TTC9C: variants seen among roughly 807,000 people sequenced by gnomAD.
TTC9C encodes tetratricopeptide repeat protein 9C.
In TTC9C, 15 loss-of-function variants were observed where a neutral mutation model predicts 22.5. The observed-to-expected ratio is 0.67, with a 90% CI of 0.45 to 1.03. The LOEUF (loss-of-function observed/expected upper bound fraction) is 1.03, where lower values mean the gene tolerates loss of function less well. Ranked by LOEUF, TTC9C falls within the 50% of genes least tolerant of loss-of-function variation. The pLI is 0.00. For missense variants in TTC9C, 244 were observed against 214.6 expected (o/e 1.14, Z -0.86); for synonymous variants, 92 against 86.8 (o/e 1.06, Z -0.33).
At chr11:62,734,106 C>G (rs1016589056) in intron 1 of TTC9C, among the ~76,000 whole-genome samples, 10 of 151,776 alleles carry the variant, frequency 6.6e-5, no homozygotes, top group Admixed American at 6.6e-4. Context: ...CAAGACAAGC[C>G]TGGCCAACAT....
chr11:62,738,197 G>A (rs2083932985), intron 2 of TTC9C, 91 bp from the exon 3 acceptor site: 1 of 707,072 alleles, frequency 1.4e-6, no homozygotes, highest in Non-Finnish European at 2.4e-6. Flanking sequence ...TTTAAAATGG[G>A]AGCATGTTAA....
intron 1 of TTC9C, among the ~76,000 whole-genome samples, chr11:62,731,522 G>T (rs1019302510): frequency 2.0e-5 from 3 of 152,102 alleles, no homozygotes; most frequent in African/African-American, 7.2e-5. Flanking sequence ...TCTTGAGCAT[G>T]GGAGGCCGGG....
At chr11:62,733,229 C>G (rs758050613) in intron 1 of TTC9C, 4 of 1,191,552 alleles carry the variant, frequency 3.4e-6, no homozygotes, top group Non-Finnish European at 3.3e-6. Flanking sequence ...ATTAAGTCAT[C>G]CAAGAGAATA....
chr11:62,738,409 G>A lies in TTC9C; in HGVS notation c.*27G>A. ...AAAGAAGAAAGATGCTCCTCCAGTTGAACTTAGGTGGACCATTAAACATGC... is the reference window on the plus strand; with the variant it reads ...AAAGAAGAAAGATGCTCCTCCAGTTAAACTTAGGTGGACCATTAAACATGC... On this transcript the variant is annotated 3_prime_UTR_variant, in exon 3 of 3. Transcript: ENST00000316461. 6.8e-7 allele frequency: 1 copy of A among 1,464,038 alleles called. No homozygotes were observed. Among genetic ancestry groups the A allele is most frequent in the Non-Finnish European group, 9.5e-7 (1 of 1,049,960 alleles). The allele number at this position is 1,464,038 out of a possible 1,614,324, so 90.7% of individuals were successfully genotyped here. A position where few individuals can be genotyped will look rare whatever the true frequency, so the allele number is the denominator to read the frequency against.
intron 1 of TTC9C, among the ~76,000 whole-genome samples, chr11:62,732,593 CAA>C (rs1419581453): frequency 7.2e-6 from 1 of 139,300 alleles, no homozygotes; most frequent in Non-Finnish European, 1.5e-5. Flanking sequence ...GCCTGGGCAA[CAA>C]GAGCAAAACT....
chr11:62,735,060 C>G (rs973076787), intron 1 of TTC9C, among the ~76,000 whole-genome samples: 1 of 152,126 alleles, frequency 6.6e-6, no homozygotes, highest in African/African-American at 2.4e-5. Context: ...CCACACCTGG[C>G]TAATTTTTAT....
chr11:62,737,925 G>A (rs1398358542), intron 2 of TTC9C, among the ~76,000 whole-genome samples: 1 of 152,102 alleles, frequency 6.6e-6, no homozygotes, highest in East Asian at 1.9e-4. Context: ...CAGCTACTTG[G>A]GAGGCTGAGG....
In TTC9C at chr11:62,728,487, G is replaced by T. The variant is rs1458587222; in HGVS notation, c.-362G>T. 4.2e-6 allele frequency: 2 copies of T among 477,134 alleles called. No homozygotes were observed. The highest frequency in any genetic ancestry group is 2.0e-5 in the African/African-American group (1 of 51,038). 29.6% of individuals were successfully genotyped at this position (477,134 alleles called of 1,614,324 possible). ...GGGTCCAATAGAAAGGCGGAAGCCAGTGTCCCAGGCGTTCTCACGCCCGCA... is the reference window on the plus strand; with the variant it reads ...GGGTCCAATAGAAAGGCGGAAGCCATTGTCCCAGGCGTTCTCACGCCCGCA... On this transcript the variant is annotated 5_prime_UTR_variant, in exon 1 of 3. Transcript: ENST00000316461.
Position 62,728,531 on chromosome 11 carries a change from C to T in TTC9C, c.-318C>T, listed in dbSNP as rs773744681. ...GCCCGCAACAATTCCTGAGTAGGGC[C>T]TTGCTTGAGTTCTTCGGAAAGTCTC... is the stretch of plus-strand genomic sequence containing the variant. On this transcript the variant is annotated 5_prime_UTR_variant, in exon 1 of 3. Transcript: ENST00000316461. 1.6e-5 allele frequency: 8 copies of T among 504,614 alleles called. No individual in the cohort carries two copies. The highest frequency in any genetic ancestry group is 9.2e-5 in the South Asian group (6 of 64,954). The allele number at this position is 504,614 out of a possible 1,614,324, so 31.3% of individuals were successfully genotyped here.
chr11:62,732,848 G>A (rs1172904740), intron 1 of TTC9C, among the ~76,000 whole-genome samples: 1 of 151,728 alleles, frequency 6.6e-6, no homozygotes, highest in Non-Finnish European at 1.5e-5. Context: ...CTTGAACCTG[G>A]GATGTGGAGG....
chr11:62,735,197 A>C (rs1271410890), intron 1 of TTC9C, among the ~76,000 whole-genome samples, 185 bp from the exon 2 acceptor site: 3 of 152,134 alleles, frequency 2.0e-5, no homozygotes, highest in Non-Finnish European at 4.4e-5. Context: ...CCTGGCCGAT[A>C]TGTGAAGCTT....
At chr11:62,736,521 C>T (rs1337435695) in intron 2 of TTC9C, among the ~76,000 whole-genome samples, 7 of 151,634 alleles carry the variant, frequency 4.6e-5, no homozygotes, top group African/African-American at 1.7e-4. Flanking sequence ...GGGGAAACTC[C>T]GTCTCTATTA....
Position 62,738,324 on chromosome 11 carries a change from C to A in TTC9C, c.458C>A (p.Ser153Ter). The A allele has an allele frequency of 6.2e-7, 1 of 1,613,052 alleles. No individual in the cohort carries two copies. The highest frequency in any genetic ancestry group is 1.1e-5 in the South Asian group (1 of 90,886). Residue 153 changes from serine to a stop codon, truncating the protein, a stop_gained, in exon 3 of 3, where the codon TCA becomes TAA. Coordinates refer to ENST00000316461, the MANE Select transcript of TTC9C (RefSeq NM_173810.4). LOFTEE classifies it high-confidence loss of function. ...NVRRYLQLTQ[S>*]ELSSYHRKEK... ...CGGCGGTACCTCCAGCTGACACAGT[C>A]AGAACTCAGCAGCTACCATAGAAAA...
upstream of TTC9C, chr11:62,728,076 G>C (rs1047596551): frequency 1.3e-5 from 2 of 152,380 alleles, no homozygotes; most frequent in East Asian, 1.9e-4. Context: ...TGAGGAGGCG[G>C]GGTCGTTTCT....
chr11:62,729,391 TA>T (rs2083817584), intron 1 of TTC9C, among the ~76,000 whole-genome samples: 1 of 137,686 alleles, frequency 7.3e-6, no homozygotes, highest in Non-Finnish European at 1.6e-5. Flanking sequence ...TATTTTATTT[TA>T]TTTTATTTTA....
At chr11:62,735,833 T>C (rs1056785750) in intron 2 of TTC9C, 17 of 281,336 alleles carry the variant, frequency 6.0e-5, no homozygotes, top group African/African-American at 3.3e-4. Context: ...TTGGTATGTC[T>C]GTTTCATATA....
In TTC9C at chr11:62,734,081, C is replaced by G. The variant is rs766821510; in HGVS notation, c.239-1301C>G. 2.0e-5 allele frequency among the ~76,000 whole-genome samples: 3 copies of G among 151,582 alleles called. 1 individual carries two copies. The East Asian group carries it at 5.8e-4, about 30-fold the overall frequency. ...TGGGAGGCTGAGGCCAGCGAATCAC[C>G]TGAGGTCAGGAGTTCAAGACAAGCC... On this transcript the variant is annotated intron_variant, in intron 1 of 2. Coordinates refer to ENST00000316461, the MANE Select transcript of TTC9C (RefSeq NM_173810.4).
intron 1 of TTC9C, among the ~76,000 whole-genome samples, chr11:62,732,831 A>G (rs2083867586): frequency 6.6e-6 from 1 of 152,040 alleles, no homozygotes; most frequent in Non-Finnish European, 1.5e-5. Flanking sequence ...CTGAGGCAAG[A>G]GAATCGCTTG....
intron 1 of TTC9C, among the ~76,000 whole-genome samples, chr11:62,734,096 C>G (rs1223194861): frequency 4.6e-5 from 7 of 151,452 alleles, no homozygotes; most frequent in African/African-American, 7.3e-5. Context: ...GTCAGGAGTT[C>G]AAGACAAGCC....
Sources: gnomAD v4.1 joint callset for allele counts (sites outside exome capture counted in the v4.1 genomes callset) on GRCh38, gnomAD v4.1.1 for gene constraint, MANE v1.5 for transcripts, NCBI Gene and HGNC (gene_info 2026-07-23, HGNC 2026-07-21) for gene names.